Variants in BTBD8 observed in about 807,000 individuals in gnomAD.
The protein encoded by BTBD8 is BTB/POZ domain-containing protein 8.
BTBD8 carries 110 observed loss-of-function variants against 162.9 expected under a neutral mutation model. The observed-to-expected ratio is 0.68, with a 90% CI of 0.58 to 0.79. BTBD8 has a LOEUF of 0.79. Ranked by LOEUF, BTBD8 falls within the 30% of genes least tolerant of loss-of-function variation. The probability of loss-of-function intolerance (pLI) is 0.00; values close to 1 mark genes in which losing one functional copy is unlikely to be tolerated. For missense variants in BTBD8, 1,905 were observed against 2,085.4 expected (o/e 0.91, Z 1.68); for synonymous variants, 667 against 716.1 (o/e 0.93, Z 1.10).
chr1:92,118,803 CTTT>C (rs386367658), intron 4 of BTBD8, among the ~76,000 whole-genome samples: 33 of 95,262 alleles, frequency 3.5e-4, no homozygotes, highest in Admixed American at 6.2e-4. Flanking sequence ...TTCTTTCTTT[CTTT>C]TTTTTTTTTT....
Position 92,156,915 on chromosome 1 carries a change from T to C in BTBD8, c.1122+9129T>C, listed in dbSNP as rs572048618. On this transcript the variant is annotated intron_variant, in intron 9 of 17. Coordinates refer to ENST00000636805, the MANE Select transcript of BTBD8 (RefSeq NM_001376131.1). ...GTTTTGTTATTTTTAAAAAACTGTT[T>C]TTCTATCCTCTATTTCTGCTCTAAT... Among the ~76,000 whole-genome samples the C allele has an allele frequency of 3.3e-5, 5 of 152,156 alleles. No homozygotes were observed. The South Asian group carries it at 1.0e-3, about 32-fold the overall frequency.
At chr1:92,142,485 G>A (rs968400671) in intron 7 of BTBD8, among the ~76,000 whole-genome samples, 1 of 152,230 alleles carries the variant, frequency 6.6e-6, no homozygotes, top group African/African-American at 2.4e-5. Context: ...TGAGAAGCCA[G>A]TGAGAATATA....
chr1:92,114,654 C>T (rs987549915), intron 4 of BTBD8: 1 of 156,846 alleles, frequency 6.4e-6, no homozygotes, highest in African/African-American at 2.4e-5. Flanking sequence ...CCTGAGATCC[C>T]TCCTTCTTCA....
At chr1:92,117,047 G>T (rs959500522) in intron 4 of BTBD8, among the ~76,000 whole-genome samples, 1 of 151,716 alleles carries the variant, frequency 6.6e-6, no homozygotes, top group South Asian at 2.1e-4. Context: ...ATGGGTTCTC[G>T]CATTATTGCT....
At chr1:92,131,536 C>G (rs7550370) in intron 5 of BTBD8, among the ~76,000 whole-genome samples, 1 of 151,904 alleles carries the variant, frequency 6.6e-6, no homozygotes. Flanking sequence ...CCAGCCTGAC[C>G]AACATGGTGA....
chr1:92,153,018 T>G (rs1212453431), intron 9 of BTBD8, among the ~76,000 whole-genome samples: 4 of 152,184 alleles, frequency 2.6e-5, no homozygotes, highest in African/African-American at 9.7e-5. Flanking sequence ...TTTAATTTTC[T>G]CAAAATTCGA....
In BTBD8 at chr1:92,139,564, A is replaced by C. The variant is rs749845085; in HGVS notation, c.833+134A>C. 3.8e-6 allele frequency: 5 copies of C among 1,326,048 alleles called. No homozygotes were observed. In the South Asian group the frequency reaches 9.9e-5, roughly 26 times the overall value. The allele number at this position is 1,326,048 out of a possible 1,614,324, so 82.1% of individuals were successfully genotyped here. A position where few individuals can be genotyped will look rare whatever the true frequency, so the allele number is the denominator to read the frequency against. ...TATACTATATCTTCAGTAGGTTTTG[A>C]GAACATCTAAAAACAATAAGCAAAT... On this transcript the variant is annotated intron_variant, in intron 6 of 17. Coordinates refer to ENST00000636805, the MANE Select transcript of BTBD8 (RefSeq NM_001376131.1).
At chr1:92,159,139 T>C (rs78539283) in intron 9 of BTBD8, among the ~76,000 whole-genome samples, 7,296 of 152,028 alleles carry the variant, frequency 0.048, 266 homozygotes, top group Non-Finnish European at 0.069. Context: ...TACTCTTCGT[T>C]TGTTTACATA....
chr1:92,155,020 T>C (rs145371181), intron 9 of BTBD8, among the ~76,000 whole-genome samples: 98 of 152,330 alleles, frequency 6.4e-4, no homozygotes, highest in Middle Eastern at 3.4e-3. Context: ...GAAGAGACTT[T>C]CCTGACCCAT....
intron 9 of BTBD8, among the ~76,000 whole-genome samples, chr1:92,148,570 G>T (rs1348983608): frequency 1.3e-5 from 2 of 152,168 alleles, no homozygotes; most frequent in African/African-American, 4.8e-5. Context: ...ATCAGATTTT[G>T]ATTTATGCTA....
At chr1:92,099,375 C>T (rs1024945680) in intron 2 of BTBD8, among the ~76,000 whole-genome samples, 1 of 151,360 alleles carries the variant, frequency 6.6e-6, no homozygotes, top group Admixed American at 6.6e-5. Flanking sequence ...GTTCTGGGCC[C>T]CTTGTATTTC....
At chr1:92,163,578 ATTTT>A (rs78123732) in intron 9 of BTBD8, among the ~76,000 whole-genome samples, 5 of 145,112 alleles carry the variant, frequency 3.4e-5, no homozygotes, top group South Asian at 2.2e-4. Context: ...ACATTTGAAA[ATTTT>A]TTTTTTTTTA....
intron 9 of BTBD8, among the ~76,000 whole-genome samples, chr1:92,148,870 T>C (rs138651279): frequency 1.6e-3 from 241 of 152,236 alleles, no homozygotes; most frequent in Non-Finnish European, 2.8e-3. Flanking sequence ...CAAGAGGAAA[T>C]TGAGTTGCTA....
chr1:92,111,378 C>G (rs1249680301), intron 4 of BTBD8, among the ~76,000 whole-genome samples: 2 of 152,128 alleles, frequency 1.3e-5, no homozygotes, highest in Non-Finnish European at 2.9e-5. Flanking sequence ...GATAATATAC[C>G]ATTAGACATT....
intron 4 of BTBD8, among the ~76,000 whole-genome samples, chr1:92,127,990 C>G (rs1649405095): frequency 6.6e-6 from 1 of 152,196 alleles, no homozygotes; most frequent in Non-Finnish European, 1.5e-5. Flanking sequence ...ACAAGTCCTA[C>G]TTTCCTATCT....
chr1:92,084,451 C>T (rs982951116), intron 1 of BTBD8, among the ~76,000 whole-genome samples: 3 of 152,120 alleles, frequency 2.0e-5, no homozygotes, highest in African/African-American at 7.2e-5. Flanking sequence ...AGCTCCTGGG[C>T]CCATACTGTG....
chr1:92,080,539 C>T lies in BTBD8; in HGVS notation c.-33C>T, dbSNP rs1334803703. The T allele has an allele frequency of 6.2e-7, 1 of 1,610,868 alleles. No homozygotes were observed. Reference sequence around the variant, plus strand: ...TGGGCGGGGCAAGTGAGGCCAAGTACTGGGCCTCCAGGGCGTCGTACCTCT... The same window carrying T: ...TGGGCGGGGCAAGTGAGGCCAAGTATTGGGCCTCCAGGGCGTCGTACCTCT... On this transcript the variant is annotated 5_prime_UTR_variant, in exon 1 of 18. Transcript: ENST00000636805.
chr1:92,182,726 A>T, intron 17 of BTBD8, 131 bp downstream of exon 17: 2 of 514,286 alleles, frequency 3.9e-6, no homozygotes, highest in Non-Finnish European at 6.5e-6. Context: ...TAAAATTTTA[A>T]ATGAAAAATG....
At chr1:92,151,681 A>G (rs993688045) in intron 9 of BTBD8, among the ~76,000 whole-genome samples, 13 of 152,134 alleles carry the variant, frequency 8.5e-5, no homozygotes, top group African/African-American at 3.1e-4. Context: ...ATAGTCTTCT[A>G]TCCTTCACAC....
Sources: gnomAD v4.1 joint callset for allele counts (sites outside exome capture counted in the v4.1 genomes callset) on GRCh38, gnomAD v4.1.1 for gene constraint, MANE v1.5 for transcripts, NCBI Gene and HGNC (gene_info 2026-07-23, HGNC 2026-07-21) for gene names.